PTK2: variants seen among roughly 807,000 people sequenced by gnomAD.
PTK2 encodes protein tyrosine kinase 2, also known as focal adhesion kinase 1.
PTK2 carries 45 observed loss-of-function variants against 150.1 expected under a neutral mutation model. The observed-to-expected ratio is 0.30, with a 90% CI of 0.24 to 0.38. The LOEUF is 0.38. Among genes scored for constraint, PTK2 ranks in the 10% least tolerant of loss-of-function variants. PTK2 has a pLI of 1.00. For missense variants in PTK2, 919 were observed against 1,307.3 expected, an observed-to-expected ratio of 0.70 and a Z score of 4.58; for synonymous variants, 432 against 449.2, an observed-to-expected ratio of 0.96 and a Z score of 0.48.
intron 9 of PTK2, 63 bp downstream of exon 9, chr8:140,818,817 C>A: frequency 6.5e-7 from 1 of 1,528,744 alleles, no homozygotes; most frequent in Non-Finnish European, 8.9e-7. Context: ...TTTAGATATA[C>A]AGCAAGAGAC....
At chr8:140,852,033 T>C (rs1259997655) in intron 5 of PTK2, among the ~76,000 whole-genome samples, 1 of 152,144 alleles carries the variant, frequency 6.6e-6, no homozygotes, top group Non-Finnish European at 1.5e-5. Context: ...ATTTGCTTTA[T>C]TTCTTGGATT....
At chr8:140,789,117 A>G (rs1376902326) in intron 14 of PTK2, among the ~76,000 whole-genome samples, 2 of 152,216 alleles carry the variant, frequency 1.3e-5, no homozygotes, top group African/African-American at 2.4e-5. Context: ...ACATTTCCTG[A>G]ACTTCTTAAA....
At chr8:140,996,581 C>T (rs918445710) in intron 1 of PTK2, among the ~76,000 whole-genome samples, 1 of 152,204 alleles carries the variant, frequency 6.6e-6, no homozygotes, top group African/African-American at 2.4e-5. Context: ...AGCCAATGCT[C>T]GTTTCCCATT....
chr8:140,733,206 T>C (rs966527341), intron 22 of PTK2, among the ~76,000 whole-genome samples: 3 of 152,124 alleles, frequency 2.0e-5, no homozygotes, highest in African/African-American at 7.2e-5. Flanking sequence ...ATAAAGGCAC[T>C]ATTCCAACCT....
intron 24 of PTK2, among the ~76,000 whole-genome samples, chr8:140,705,820 C>T (rs2100033400): frequency 6.6e-6 from 1 of 152,208 alleles, no homozygotes; most frequent in South Asian, 2.1e-4. Context: ...ACTCCCTCTG[C>T]AGTGTGTGTG....
intron 14 of PTK2, among the ~76,000 whole-genome samples, chr8:140,783,689 T>C (rs1189884069): frequency 1.3e-5 from 2 of 152,190 alleles, no homozygotes; most frequent in East Asian, 1.9e-4. Context: ...TAATACAAAA[T>C]ACAAATAACA....
At chr8:140,667,829 G>C (rs1235491606) in intron 30 of PTK2, among the ~76,000 whole-genome samples, 2 of 152,116 alleles carry the variant, frequency 1.3e-5, no homozygotes. Flanking sequence ...TACAGGTGCG[G>C]GATCTGAATT....
intron 26 of PTK2, among the ~76,000 whole-genome samples, chr8:140,687,660 A>G (rs778599234): frequency 6.6e-6 from 1 of 152,068 alleles, no homozygotes. Context: ...TCCAATTCCA[A>G]TTCCAGTGCT....
At chr8:140,689,656 T>C (rs550739882) in intron 26 of PTK2, among the ~76,000 whole-genome samples, 1 of 152,376 alleles carries the variant, frequency 6.6e-6, no homozygotes, top group East Asian at 1.9e-4. Flanking sequence ...AAGCAGGATA[T>C]CTGGTATTTA....
At chr8:140,752,168 A>C in intron 17 of PTK2, 64 bp downstream of exon 20, 2 of 1,317,488 alleles carry the variant, frequency 1.5e-6, no homozygotes, top group Non-Finnish European at 2.2e-6. Context: ...ATTTCTTCAG[A>C]GACAGTTTGG....
At chr8:140,786,802 C>T (rs932014453) in intron 14 of PTK2, among the ~76,000 whole-genome samples, 3 of 152,000 alleles carry the variant, frequency 2.0e-5, no homozygotes, top group Non-Finnish European at 4.4e-5. Flanking sequence ...TGTAAATCAC[C>T]TAAGTGATAG....
At chr8:140,911,632 C>CT (rs2100163207) in intron 2 of PTK2, among the ~76,000 whole-genome samples, 1 of 152,140 alleles carries the variant, frequency 6.6e-6, no homozygotes, top group Non-Finnish European at 1.5e-5. Context: ...ATCCTTATGA[C>CT]TACCACCCTA....
At chr8:140,669,301 G>A (rs2094202271) in intron 29 of PTK2, 4 of 97,992 alleles carry the variant, frequency 4.1e-5, no homozygotes, top group Non-Finnish European at 5.8e-5. Context: ...GCATAAAATG[G>A]TATATATATA....
chr8:140,820,287 G>C (rs918352383), intron 8 of PTK2, among the ~76,000 whole-genome samples: 1 of 151,070 alleles, frequency 6.6e-6, no homozygotes, highest in Non-Finnish European at 1.5e-5. Flanking sequence ...ATTTAGTAGA[G>C]ACAGGGTTTC....
At chr8:140,870,070 T>C (rs1376985875) in intron 4 of PTK2, among the ~76,000 whole-genome samples, 1 of 152,066 alleles carries the variant, frequency 6.6e-6, no homozygotes, top group African/African-American at 2.4e-5. Context: ...GCCCTCTTTA[T>C]AATAACAGAA....
At chr8:140,702,530 T>C (rs2100031220) in intron 25 of PTK2, 40 bp downstream of exon 28, 1 of 1,606,578 alleles carries the variant, frequency 6.2e-7, no homozygotes, top group Admixed American at 1.7e-5. Flanking sequence ...TTGCCATGCT[T>C]TATAAGTTAA....
At chr8:140,885,597 C>A (rs11998619) in intron 3 of PTK2, among the ~76,000 whole-genome samples, 1 of 151,972 alleles carries the variant, frequency 6.6e-6, no homozygotes, top group East Asian at 1.9e-4. Flanking sequence ...CATGCCCTGG[C>A]AGGCAGAGTT....
intron 2 of PTK2, chr8:140,921,127 C>T (rs2100167244): frequency 3.9e-6 from 5 of 1,267,010 alleles, no homozygotes; most frequent in African/African-American, 1.6e-5. Flanking sequence ...CTCATGCTTC[C>T]GCAATCTGAA....
chr8:140,863,890 A>G (rs1054746271), intron 5 of PTK2, among the ~76,000 whole-genome samples: 8 of 152,210 alleles, frequency 5.3e-5, no homozygotes, highest in Non-Finnish European at 1.2e-4. Context: ...TCTGATGTTT[A>G]TTAGCATTTT....
Sources: allele counts gnomAD v4.1 joint callset (sites outside exome capture counted in the v4.1 genomes callset), GRCh38; gene constraint gnomAD v4.1.1; transcripts MANE v1.5; gene names NCBI Gene and HGNC (gene_info 2026-07-23, HGNC 2026-07-21).